The following MCTP1 variants were observed in gnomAD, a reference collection of about 807,000 sequenced individuals.
MCTP1 encodes multiple C2 and transmembrane domain containing 1.
In MCTP1, 69 loss-of-function variants were observed where a neutral mutation model predicts 120.6. The observed-to-expected ratio is 0.57, with a 90% CI of 0.47 to 0.70. The LOEUF is 0.70. MCTP1 is among the 30% of genes least tolerant of loss of function. The pLI, the probability that MCTP1 is intolerant of heterozygous loss-of-function variation, is 0.00. For missense variants in MCTP1, 1,203 were observed against 1,248.8 expected, an observed-to-expected ratio of 0.96 and a Z score of 0.55; for synonymous variants, 529 against 493.1, an observed-to-expected ratio of 1.07 and a Z score of -0.96.
At chr5:95,141,498 T>G (rs565346587) in intron 1 of MCTP1, among the ~76,000 whole-genome samples, 1 of 152,216 alleles carries the variant, frequency 6.6e-6, no homozygotes, top group Non-Finnish European at 1.5e-5. Context: ...GTTGTATGTG[T>G]GCAACAACAT....
intron 1 of MCTP1, among the ~76,000 whole-genome samples, chr5:95,022,124 T>C (rs1838306699): frequency 6.6e-6 from 1 of 152,206 alleles, no homozygotes. Context: ...ATCTATCATA[T>C]GTCAGCATAC....
At chr5:95,122,391 T>C (rs1427992826) in intron 1 of MCTP1, among the ~76,000 whole-genome samples, 1 of 152,150 alleles carries the variant, frequency 6.6e-6, no homozygotes, top group Admixed American at 6.5e-5. Flanking sequence ...AACAGGTATA[T>C]GAAATGGTGC....
chr5:95,008,165 T>C (rs927930757), intron 2 of MCTP1, among the ~76,000 whole-genome samples: 1 of 152,120 alleles, frequency 6.6e-6, no homozygotes, highest in Non-Finnish European at 1.5e-5. Context: ...TATAACCTCA[T>C]TTCCATGCTA....
At chr5:95,137,853 T>C (rs1016198909) in intron 1 of MCTP1, among the ~76,000 whole-genome samples, 3 of 152,184 alleles carry the variant, frequency 2.0e-5, no homozygotes, top group East Asian at 3.9e-4. Flanking sequence ...GGGGAACATA[T>C]TGATTCCCTG....
rs568709902 is a variant in MCTP1, at chr5:95,171,619, C to T, written c.720+112237G>A. ...GAGGCTTTGTTCATTTCTTTTTACT[C>T]GTTTTTCTCTAAACTTCTCTTCTCG... On this transcript the variant is annotated intron_variant, in intron 1 of 22. Transcript: ENST00000515393. 4.6e-5 allele frequency among the ~76,000 whole-genome samples: 7 copies of T among 152,276 alleles called. No homozygotes were observed. The South Asian group carries it at 1.2e-3, about 27-fold the overall frequency.
intron 19 of MCTP1, among the ~76,000 whole-genome samples, chr5:94,736,613 C>A (rs551623255): frequency 6.6e-6 from 1 of 152,046 alleles, no homozygotes; most frequent in African/African-American, 2.4e-5. Flanking sequence ...CTTGAATTAA[C>A]CTTGAAAGAT....
intron 17 of MCTP1, among the ~76,000 whole-genome samples, chr5:94,850,015 G>T (rs1192209010): frequency 5.3e-5 from 8 of 152,154 alleles, no homozygotes; most frequent in African/African-American, 1.9e-4. Flanking sequence ...GTAACAGCAT[G>T]ACCTCATTGC....
intron 1 of MCTP1, among the ~76,000 whole-genome samples, chr5:95,209,906 T>C (rs1467442953): frequency 6.6e-6 from 1 of 152,240 alleles, no homozygotes; most frequent in East Asian, 1.9e-4. Flanking sequence ...AACAACTTTA[T>C]TTCTGCCTTC....
Position 95,183,953 on chromosome 5 carries a change from A to G in MCTP1, c.720+99903T>C, listed in dbSNP as rs189902984. 2.0e-4 allele frequency among the ~76,000 whole-genome samples: 30 copies of G among 152,164 alleles called. No homozygotes were observed. In the East Asian group the frequency reaches 5.4e-3, roughly 27 times the overall value. Reference sequence around the variant, plus strand: ...GTTCTCACTCATAATTGGGAGTTGAACAATGAGAACACATGGACGCAGGGA... The same window carrying G: ...GTTCTCACTCATAATTGGGAGTTGAGCAATGAGAACACATGGACGCAGGGA... On this transcript the variant is annotated intron_variant, in intron 1 of 22. Coordinates refer to ENST00000515393, the MANE Select transcript of MCTP1 (RefSeq NM_024717.7).
intron 1 of MCTP1, among the ~76,000 whole-genome samples, chr5:95,110,543 A>T (rs1444758494): frequency 2.0e-5 from 3 of 152,148 alleles, no homozygotes; most frequent in Admixed American, 1.3e-4. Context: ...ATAAACCTTT[A>T]TTATGTTAAG....
At chr5:95,077,118 C>T (rs1450388880) in intron 1 of MCTP1, among the ~76,000 whole-genome samples, 3 of 152,152 alleles carry the variant, frequency 2.0e-5, no homozygotes, top group Non-Finnish European at 4.4e-5. Context: ...TTTGAGTTCT[C>T]TAATGAAATA....
chr5:94,942,728 T>A (rs1432026389), intron 3 of MCTP1, among the ~76,000 whole-genome samples: 1 of 152,040 alleles, frequency 6.6e-6, no homozygotes, highest in Non-Finnish European at 1.5e-5. Context: ...AAGCATAGAA[T>A]TCAACAAGTA....
At chr5:95,073,204 T>G (rs1276360250) in intron 1 of MCTP1, among the ~76,000 whole-genome samples, 2 of 152,130 alleles carry the variant, frequency 1.3e-5, no homozygotes, top group Non-Finnish European at 1.5e-5. Context: ...AGTCTTAATT[T>G]TTTGTCAGTC....
At chr5:95,263,772 G>A (rs1665843251) in intron 1 of MCTP1, among the ~76,000 whole-genome samples, 1 of 152,120 alleles carries the variant, frequency 6.6e-6, no homozygotes, top group African/African-American at 2.4e-5. Context: ...CATCAGGTTG[G>A]TATGTTATTC....
At chr5:94,813,890 T>C (rs572806711) in intron 17 of MCTP1, among the ~76,000 whole-genome samples, 2 of 152,280 alleles carry the variant, frequency 1.3e-5, no homozygotes, top group East Asian at 3.9e-4. Flanking sequence ...TGACACATTC[T>C]ACATCATGAA....
intron 19 of MCTP1, among the ~76,000 whole-genome samples, chr5:94,777,871 T>C (rs1360683557): frequency 6.6e-6 from 1 of 151,984 alleles, no homozygotes; most frequent in Non-Finnish European, 1.5e-5. Flanking sequence ...AAATTTCACA[T>C]AAAAGCTCTG....
At chr5:94,742,263 C>T (rs551024561) in intron 19 of MCTP1, among the ~76,000 whole-genome samples, 36 of 152,126 alleles carry the variant, frequency 2.4e-4, no homozygotes, top group African/African-American at 8.7e-4. Context: ...CCATGTTGCC[C>T]AGGCTGGTCT....
intron 12 of MCTP1, among the ~76,000 whole-genome samples, chr5:94,882,297 C>T (rs1450055785): frequency 6.6e-6 from 1 of 152,100 alleles, no homozygotes; most frequent in Admixed American, 6.6e-5. Flanking sequence ...AAGGACAGAG[C>T]CCTGTAACCC....
chr5:95,060,844 C>T (rs1462068950), intron 1 of MCTP1, among the ~76,000 whole-genome samples: 1 of 150,848 alleles, frequency 6.6e-6, no homozygotes, highest in Admixed American at 6.6e-5. Context: ...TGGTGGTGCA[C>T]ACCTGTAATC....
Sources: gnomAD v4.1 joint callset for allele counts (sites outside exome capture counted in the v4.1 genomes callset) on GRCh38, gnomAD v4.1.1 for gene constraint, MANE v1.5 for transcripts, NCBI Gene and HGNC (gene_info 2026-07-23, HGNC 2026-07-21) for gene names.